MAP2K1: variants seen among roughly 807,000 people sequenced by gnomAD.
The protein encoded by MAP2K1 is dual specificity mitogen-activated protein kinase kinase 1.
In MAP2K1, 16 loss-of-function variants were observed where a neutral mutation model predicts 46.3. The ratio of observed to expected loss-of-function variants is 0.35; its 90% CI spans 0.23 to 0.52. The LOEUF is 0.52. Among genes scored for constraint, MAP2K1 ranks in the 20% least tolerant of loss-of-function variants. The probability of loss-of-function intolerance (pLI) is 0.94; values close to 1 mark genes in which losing one functional copy is unlikely to be tolerated. For missense variants in MAP2K1, 263 were observed against 497.1 expected, an observed-to-expected ratio of 0.53 and a Z score of 4.48; for synonymous variants, 183 against 185.6, an observed-to-expected ratio of 0.99 and a Z score of 0.11.
intron 8 of MAP2K1, chr15:66,488,592 T>A (rs915178879): frequency 5.7e-6 from 1 of 176,004 alleles, no homozygotes; most frequent in East Asian, 1.5e-4. Context: ...ATGATCACCA[T>A]GGGAAAATCT....
At chr15:66,407,197 G>A (rs1211609155) in intron 1 of MAP2K1, among the ~76,000 whole-genome samples, 2 of 152,114 alleles carry the variant, frequency 1.3e-5, no homozygotes, top group East Asian at 3.9e-4. Flanking sequence ...GAGTCAACAG[G>A]CCTGAATGCA....
rs1893239637 is a variant in MAP2K1 at position 66,491,027 on chromosome 15, A to G, written c.*412A>G. On this transcript the variant is annotated 3_prime_UTR_variant, in exon 11 of 11. Coordinates refer to ENST00000307102, the MANE Select transcript of MAP2K1 (RefSeq NM_002755.4). Reference sequence around the variant, plus strand: ...TTCTTGCTGGGCATACTTTCTCTCTAGGAGGGAGCCTTGTGAGATCCTTCA... The same window carrying G: ...TTCTTGCTGGGCATACTTTCTCTCTGGGAGGGAGCCTTGTGAGATCCTTCA... 1 of 414,170 alleles carries G rather than the reference A, an allele frequency of 2.4e-6. No homozygotes were observed. The highest frequency in any genetic ancestry group is 2.4e-5 in the South Asian group (1 of 41,088). 25.7% of individuals were successfully genotyped at this position (414,170 alleles called of 1,614,324 possible).
At chr15:66,463,517 T>C (rs1018735237) in intron 5 of MAP2K1, among the ~76,000 whole-genome samples, 2 of 152,198 alleles carry the variant, frequency 1.3e-5, no homozygotes, top group African/African-American at 4.8e-5. Context: ...GTCTCACCTC[T>C]TGTTGCCCAA....
chr15:66,398,961 C>T (rs1416750342), intron 1 of MAP2K1, among the ~76,000 whole-genome samples: 8 of 152,022 alleles, frequency 5.3e-5, no homozygotes, highest in East Asian at 1.9e-4. Context: ...TTAGAAGAGA[C>T]GGTGTTTCAC....
intron 1 of MAP2K1, among the ~76,000 whole-genome samples, chr15:66,398,901 T>C (rs537574500): frequency 2.8e-4 from 43 of 152,116 alleles, no homozygotes; most frequent in African/African-American, 1.0e-3. Context: ...AGCCTCGAAG[T>C]GGCTGGGATT....
chr15:66,419,544 G>A (rs542834198), intron 1 of MAP2K1, among the ~76,000 whole-genome samples: 20 of 152,014 alleles, frequency 1.3e-4, no homozygotes, highest in African/African-American at 4.3e-4. Flanking sequence ...TTTCATATGC[G>A]GCTAATATGA....
chr15:66,409,680 T>A (rs1255163152), intron 1 of MAP2K1, among the ~76,000 whole-genome samples: 1 of 152,210 alleles, frequency 6.6e-6, no homozygotes, highest in Non-Finnish European at 1.5e-5. Flanking sequence ...TAACACTCTC[T>A]GGATAAATCA....
At chr15:66,415,095 G>A (rs931367073) in intron 1 of MAP2K1, 23 of 515,470 alleles carry the variant, frequency 4.5e-5, no homozygotes, top group Middle Eastern at 6.6e-4. Flanking sequence ...AAAATGCTCC[G>A]GTAGTGCCAC....
chr15:66,441,606 GTAGCA>G (rs2093503812), intron 3 of MAP2K1, among the ~76,000 whole-genome samples: 1 of 152,154 alleles, frequency 6.6e-6, no homozygotes, highest in South Asian at 2.1e-4. Context: ...CTGAGCATCA[GTAGCA>G]TTGTCTGTTC....
rs1892317649 is a variant in MAP2K1 at position 66,461,480 on chromosome 15, A to ATAAATAAC, written c.568+16780_568+16781insCTAAATAA. 1.3e-4 allele frequency among the ~76,000 whole-genome samples: 7 copies of ATAAATAAC among 53,950 alleles called. No homozygotes were observed. In the South Asian group the frequency reaches 3.6e-3, roughly 27 times the overall value. 35.4% of individuals were successfully genotyped at this position (53,950 alleles called of 152,430 possible). A position where few individuals can be genotyped will look rare whatever the true frequency, so the allele number is the denominator to read the frequency against. ...TGACAGAGTGAGACTCTGTCTCTAA[A>ATAAATAAC]TAAATAAATAAATAAATAAATAAAT... On this transcript the variant is annotated intron_variant, in intron 5 of 10. Transcript: ENST00000307102.
At chr15:66,449,024 A>G (rs999475717) in intron 5 of MAP2K1, among the ~76,000 whole-genome samples, 2 of 150,918 alleles carry the variant, frequency 1.3e-5, no homozygotes, top group African/African-American at 4.9e-5. Context: ...AAAAAAAAAA[A>G]AAAACAACAA....
intron 3 of MAP2K1, among the ~76,000 whole-genome samples, chr15:66,442,733 C>T (rs935973216): frequency 6.6e-6 from 1 of 152,146 alleles, no homozygotes; most frequent in Non-Finnish European, 1.5e-5. Context: ...CATGTCAGAT[C>T]CCATGGGTTC....
At chr15:66,461,845 T>C (rs575324012) in intron 5 of MAP2K1, among the ~76,000 whole-genome samples, 2 of 152,300 alleles carry the variant, frequency 1.3e-5, no homozygotes, top group African/African-American at 4.8e-5. Context: ...GTTGGCTTCC[T>C]GGGTGATCCT....
chr15:66,443,193 T>G (rs2093509611), intron 3 of MAP2K1, 87 bp from the exon 4 acceptor site: 1 of 826,366 alleles, frequency 1.2e-6, no homozygotes, highest in Non-Finnish European at 2.1e-6. Flanking sequence ...TTCATGCCAT[T>G]CTCCTGCCTC....
At chr15:66,463,413 A>T (rs1474958443) in intron 5 of MAP2K1, among the ~76,000 whole-genome samples, 1 of 152,202 alleles carries the variant, frequency 6.6e-6, no homozygotes, top group African/African-American at 2.4e-5. Context: ...GCCTAGGTTG[A>T]GGATGCATGC....
chr15:66,480,618 AAAT>A (rs960174180), intron 5 of MAP2K1, among the ~76,000 whole-genome samples: 2 of 152,202 alleles, frequency 1.3e-5, no homozygotes, highest in African/African-American at 2.4e-5. Flanking sequence ...TCGAAGAGAA[AAAT>A]AATGAAACGT....
intron 6 of MAP2K1, among the ~76,000 whole-genome samples, chr15:66,483,697 C>T (rs1892967223): frequency 6.6e-6 from 1 of 151,582 alleles, no homozygotes; most frequent in South Asian, 2.1e-4. Flanking sequence ...CTTTTCCCAC[C>T]AATATCAACC....
rs114380446 is a variant in MAP2K1 at position 66,485,253 on chromosome 15, G to A, written c.895+62G>A. The A allele has an allele frequency of 1.0e-3, 1,474 of 1,445,378 alleles. 15 individuals are homozygous for A. In the African/African-American group the frequency reaches 0.018, roughly 18 times the overall value. 89.5% of individuals were successfully genotyped at this position (1,445,378 alleles called of 1,614,324 possible). The stretch of plus-strand genomic sequence containing the variant: ...GAGGGGAGGGTCCCTTACTTTCAGG[G>A]GTTTCTGGAGGGCTGATTCTCTGTA... On this transcript the variant is annotated intron_variant, in intron 7 of 10. Transcript: ENST00000307102.
At chr15:66,478,417 C>CAGGTATATATATAT (rs1406859356) in intron 5 of MAP2K1, among the ~76,000 whole-genome samples, 17 of 111,484 alleles carry the variant, frequency 1.5e-4, no homozygotes, top group Non-Finnish European at 1.5e-4. Flanking sequence ...TATATATACA[C>CAGGTATATATATAT]ACAGGTATAT....
Sources: allele counts gnomAD v4.1 joint callset (sites outside exome capture counted in the v4.1 genomes callset), GRCh38; gene constraint gnomAD v4.1.1; transcripts MANE v1.5; gene names NCBI Gene and HGNC (gene_info 2026-07-23, HGNC 2026-07-21).